Variants in RANBP2 observed in about 807,000 individuals in gnomAD.
RANBP2 encodes RAN binding protein 2.
Under a neutral mutation model 303.6 loss-of-function variants are expected in RANBP2, and 57 were observed. The observed-to-expected ratio is 0.19, with a 90% CI of 0.15 to 0.23. The LOEUF is 0.23. RANBP2 is among the 10% of genes least tolerant of loss of function. RANBP2 has a pLI of 1.00. For synonymous variants in RANBP2, 1,167 were observed against 1,301.5 expected, an observed-to-expected ratio of 0.90 and a Z score of 2.23; for missense variants, 3,138 against 3,780.8, an observed-to-expected ratio of 0.83 and a Z score of 4.46.
At chr2:109,159,074 A>G in the RANBP2 span, among the ~76,000 whole-genome samples, 9 of 152,314 alleles carry the variant, frequency 5.9e-5, no homozygotes, top group Middle Eastern at 3.4e-3. Context: ...CCCAGATCGC[A>G]CCACTGCACT....
At chr2:109,545,587 T>TCA in the RANBP2 span, 3 of 1,533,918 alleles carry the variant, frequency 2.0e-6, no homozygotes, top group Non-Finnish European at 1.7e-6. Context: ...CAGTAGAATT[T>TCA]GTTCTAAAAA....
chr2:109,540,887 TAAAGAC>T, the RANBP2 span, among the ~76,000 whole-genome samples: 1 of 152,124 alleles, frequency 6.6e-6, no homozygotes, highest in Non-Finnish European at 1.5e-5. Context: ...TTCTCGTCTA[TAAAGAC>T]AAAGTTCTAG....
At chr2:108,751,153 A>G in intron 9 of RANBP2, 111 bp from the exon 10 acceptor site, 14 of 1,521,834 alleles carry the variant, frequency 9.2e-6, no homozygotes, top group Non-Finnish European at 1.2e-5. Context: ...TTGATATAGA[A>G]AAGCAGTTAT....
the RANBP2 span, among the ~76,000 whole-genome samples, chr2:109,655,382 T>C: frequency 3.3e-5 from 5 of 152,312 alleles, no homozygotes; most frequent in Non-Finnish European, 5.9e-5. Flanking sequence ...ATCAAGTCTC[T>C]CACTCAAGAA....
chr2:109,324,532 T>C, the RANBP2 span, among the ~76,000 whole-genome samples: 24 of 152,344 alleles, frequency 1.6e-4, no homozygotes, highest in African/African-American at 5.8e-4. Context: ...TTTAAAATAA[T>C]AATGAAAGTT....
the RANBP2 span, among the ~76,000 whole-genome samples, chr2:109,368,644 A>G: frequency 2.7e-5 from 4 of 146,530 alleles, no homozygotes; most frequent in African/African-American, 7.6e-5. Flanking sequence ...TTATTTTTCT[A>G]TTTATTTGGC....
the RANBP2 span, among the ~76,000 whole-genome samples, chr2:109,033,627 ATG>A: frequency 5.9e-5 from 9 of 152,220 alleles, no homozygotes; most frequent in East Asian, 1.7e-3. Context: ...CATTGTCTGG[ATG>A]TGTTGATCTG....
At chr2:109,033,562 G>A in the RANBP2 span, among the ~76,000 whole-genome samples, 1 of 152,180 alleles carries the variant, frequency 6.6e-6, no homozygotes, top group Non-Finnish European at 1.5e-5. Context: ...ATAACAGTGT[G>A]TAAGAAAACA....
the RANBP2 span, among the ~76,000 whole-genome samples, chr2:109,718,366 T>C: frequency 3.9e-4 from 59 of 152,200 alleles, no homozygotes; most frequent in Admixed American, 2.9e-3. Context: ...ATCCATACAA[T>C]GGCGTATTAC....
At chr2:108,961,011 A>G in the RANBP2 span, among the ~76,000 whole-genome samples, 1 of 152,174 alleles carries the variant, frequency 6.6e-6, no homozygotes, top group African/African-American at 2.4e-5. Flanking sequence ...TTTCCTTACA[A>G]TAGAGTCCCA....
chr2:109,387,776 T>C, the RANBP2 span, among the ~76,000 whole-genome samples: 1 of 152,212 alleles, frequency 6.6e-6, no homozygotes, highest in Non-Finnish European at 1.5e-5. Context: ...CTGTATTTAT[T>C]TCACAGTGCT....
At chr2:108,864,072 C>T in the RANBP2 span, among the ~76,000 whole-genome samples, 50 of 152,098 alleles carry the variant, frequency 3.3e-4, no homozygotes, top group African/African-American at 1.1e-3. Flanking sequence ...TGATGTGTTA[C>T]ACTAGTGTGT....
the RANBP2 span, among the ~76,000 whole-genome samples, chr2:109,457,351 CAAGT>C: frequency 6.6e-6 from 1 of 152,186 alleles, no homozygotes; most frequent in Admixed American, 6.5e-5. Context: ...GAAGGGAACT[CAAGT>C]AAACTATTAT....
the RANBP2 span, among the ~76,000 whole-genome samples, chr2:109,472,556 A>G: frequency 6.6e-6 from 1 of 152,018 alleles, no homozygotes; most frequent in South Asian, 2.1e-4. Context: ...CAATTGATGA[A>G]CCGACCTGCG....
At chr2:109,638,755 C>T in the RANBP2 span, among the ~76,000 whole-genome samples, 2 of 152,092 alleles carry the variant, frequency 1.3e-5, no homozygotes, top group African/African-American at 4.8e-5. Context: ...TTTAACGGCT[C>T]ATTCATGGGG....
chr2:108,814,673 A>AT, the RANBP2 span, among the ~76,000 whole-genome samples: 271 of 141,790 alleles, frequency 1.9e-3, 1 homozygote, highest in African/African-American at 4.3e-3. Flanking sequence ...AATATTTTTA[A>AT]TTTTTTTTTT....
At chr2:109,379,110 C>T in the RANBP2 span, among the ~76,000 whole-genome samples, 1 of 152,238 alleles carries the variant, frequency 6.6e-6, no homozygotes, top group Non-Finnish European at 1.5e-5. Flanking sequence ...GATTGCTGTC[C>T]TGTGCGTTCT....
At chr2:109,670,560 T>C in the RANBP2 span, among the ~76,000 whole-genome samples, 1 of 152,002 alleles carries the variant, frequency 6.6e-6, no homozygotes, top group Non-Finnish European at 1.5e-5. Context: ...GAGGCAGCAG[T>C]GACAGCAGTG....
the RANBP2 span, among the ~76,000 whole-genome samples, chr2:109,372,989 G>A: frequency 6.6e-6 from 1 of 152,190 alleles, no homozygotes; most frequent in Non-Finnish European, 1.5e-5. Context: ...TTAGTCCATA[G>A]TCTATTTTGC....
Sources: gnomAD v4.1 joint callset for allele counts (sites outside exome capture counted in the v4.1 genomes callset) on GRCh38, gnomAD v4.1.1 for gene constraint, MANE v1.5 for transcripts, NCBI Gene and HGNC (gene_info 2026-07-23, HGNC 2026-07-21) for gene names.